DNAH10: variants seen among roughly 807,000 people sequenced by gnomAD.
The protein encoded by DNAH10 is axonemal beta dynein heavy chain 10.
DNAH10 carries 348 observed loss-of-function variants against 506.6 expected under a neutral mutation model. The observed-to-expected ratio is 0.69, with a 90% CI of 0.63 to 0.75. The LOEUF (loss-of-function observed/expected upper bound fraction) is 0.75. DNAH10 is among the 30% of genes least tolerant of loss of function. The pLI, the probability that DNAH10 is intolerant of heterozygous loss-of-function variation, is 0.00. For missense variants in DNAH10, 5,179 were observed against 5,787.1 expected, an observed-to-expected ratio of 0.89 and a Z score of 3.41; for synonymous variants, 2,059 against 2,198.6, an observed-to-expected ratio of 0.94 and a Z score of 1.78.
rs924541858 is a variant in DNAH10, at chr12:123,916,323, T to G, written c.10723-134T>G. 1.3e-5 allele frequency: 15 copies of G among 1,155,348 alleles called. No homozygotes were observed. Among genetic ancestry groups the G allele is most frequent in the Non-Finnish European group, 1.7e-5 (14 of 816,678 alleles). The allele number at this position is 1,155,348 out of a possible 1,614,324, so 71.6% of individuals were successfully genotyped here. A position where few individuals can be genotyped will look rare whatever the true frequency, so the allele number is the denominator to read the frequency against. On this transcript the variant is annotated intron_variant, in intron 62 of 78. Coordinates refer to ENST00000673944, the MANE Select transcript of DNAH10 (RefSeq NM_001372106.1). This position sits in a 1 kb window ranked among gnomAD's most constrained non-coding sequence, Gnocchi z 4.6. ...GTATATGCGTTATACCCCTTGCTTC[T>G]CTCTTCTTTTCACCTCTGGCCCCCT...
rs755715123 is a variant in DNAH10 at position 123,868,026 on chromosome 12, G to A, written c.7426G>A (p.Gly2476Arg). ...TCTGGGAGCCTCCCTGCTTGAGGAT[G>A]GAAGGATGAAATTTGACGAATATAT... The part of the protein sequence containing the change: ...CSLGASLLED[G>R]RMKFDEYIKR... Residue 2476 changes from glycine to arginine, a missense_variant, in exon 43 of 79, where the codon GGA (glycine) becomes AGA (arginine). Transcript: ENST00000673944. The A allele has an allele frequency of 1.4e-5, 23 of 1,613,784 alleles. No homozygotes were observed. The highest frequency in any genetic ancestry group is 2.2e-5 in the East Asian group (1 of 44,884).
rs756903448 is a variant in DNAH10, at chr12:123,929,283, C to T, written c.12315C>T (p.Thr4105=). The T allele has an allele frequency of 3.1e-5, 49 of 1,591,062 alleles. No homozygotes were observed. The highest frequency in any genetic ancestry group is 1.6e-4 in the Middle Eastern group (1 of 6,062). The change falls in exon 71 of 79, where the codon ACC becomes ACT. Residue 4105 remains threonine (T), a synonymous_variant. Transcript: ENST00000673944. The part of the protein sequence containing the change: ...GILQKSLKVV[T]EPPNGLKLNM... The stretch of plus-strand genomic sequence containing the variant: ...TTTCTTCTCTTCTGAAGGTTGTCAC[C>T]GAGCCACCCAATGGGCTGAAACTCA...
chr12:123,880,448 T>C (rs976008485), intron 50 of DNAH10, among the ~76,000 whole-genome samples: 1 of 152,126 alleles, frequency 6.6e-6, no homozygotes, highest in Non-Finnish European at 1.5e-5. Context: ...CAAGTGATCT[T>C]CCTGCCTCAG....
rs71444923 is a variant in DNAH10 at position 123,896,148 on chromosome 12, CAGAGAGAG to C, written c.9280+1465_9280+1472del. Among the ~76,000 whole-genome samples, 498 of 95,156 alleles carry C rather than the reference CAGAGAGAG, an allele frequency of 5.2e-3. 2 individuals are homozygous for C. The highest frequency in any genetic ancestry group is 0.016 in the African/African-American group (302 of 19,246). The allele number at this position is 95,156 out of a possible 152,430, so 62.4% of individuals were successfully genotyped here. A position where few individuals can be genotyped will look rare whatever the true frequency, so the allele number is the denominator to read the frequency against. ...ACACACACACACACACACACACACACAGAGAGAGAGAGAGAGAGAGAGAGAGAGAGAGA... is the reference window on the plus strand; with the variant it reads ...ACACACACACACACACACACACACACAGAGAGAGAGAGAGAGAGAGAGAGA... On this transcript the variant is annotated intron_variant, in intron 54 of 78. Coordinates refer to ENST00000673944, the MANE Select transcript of DNAH10 (RefSeq NM_001372106.1).
rs140889039 is a variant in DNAH10, at chr12:123,875,156, G to T, written c.7939-75G>T. ...AACGGGAAAAATGAGCTTGAGCTGG[G>T]ATGGTCAGCCAACGCCTCTCTGACT... On this transcript the variant is annotated intron_variant, in intron 46 of 78. Coordinates refer to ENST00000673944, the MANE Select transcript of DNAH10 (RefSeq NM_001372106.1). 2.5e-4 allele frequency: 373 copies of T among 1,502,454 alleles called. No individual in the cohort carries two copies. In the African/African-American group the frequency reaches 4.7e-3, roughly 19 times the overall value. 93.1% of individuals were successfully genotyped at this position (1,502,454 alleles called of 1,614,324 possible).
Position 123,882,789 on chromosome 12 carries a change from C to CAA in DNAH10, c.8823+1001_8823+1002dup, listed in dbSNP as rs59295124. On this transcript the variant is annotated intron_variant, in intron 51 of 78. Transcript: ENST00000673944. ...CCTGGGAGACAGAGTAAGACTCTGTCAAAAAAAAAAAAAAAAAAAAAAAAA... is the reference window on the plus strand; with the variant it reads ...CCTGGGAGACAGAGTAAGACTCTGTCAAAAAAAAAAAAAAAAAAAAAAAAAAA... Among the ~76,000 whole-genome samples the CAA allele has an allele frequency of 5.8e-4, 36 of 62,258 alleles. 1 individual carries two copies. The highest frequency in any genetic ancestry group is 1.6e-3 in the African/African-American group (23 of 14,076). 40.8% of individuals were successfully genotyped at this position (62,258 alleles called of 152,430 possible).
At chr12:123,815,151 A>G (rs1222019398) in intron 21 of DNAH10, among the ~76,000 whole-genome samples, 1 of 152,122 alleles carries the variant, frequency 6.6e-6, no homozygotes, top group Non-Finnish European at 1.5e-5. Context: ...TGTAGTATTG[A>G]GTTTTCCTAT....
intron 45 of DNAH10, among the ~76,000 whole-genome samples, chr12:123,872,178 T>C (rs1015418980): frequency 6.6e-6 from 1 of 152,136 alleles, no homozygotes; most frequent in Admixed American, 6.5e-5. Context: ...AAGTGTTTCC[T>C]TTCCTTCCTC....
rs1593956897 is a variant in DNAH10 at position 123,768,158 on chromosome 12, G to A, written c.298+469G>A. Among the ~76,000 whole-genome samples the A allele has an allele frequency of 2.0e-5, 3 of 151,540 alleles. No homozygotes were observed. The Middle Eastern group carries it at 0.01, about 519-fold the overall frequency. The stretch of plus-strand genomic sequence containing the variant: ...CTCCTCCTCCTTTTTTTTTGAGACA[G>A]GGTCTCGCTCTTGTCACCCAAGCTG... On this transcript the variant is annotated intron_variant, in intron 2 of 78. Coordinates refer to ENST00000673944, the MANE Select transcript of DNAH10 (RefSeq NM_001372106.1).
At chr12:123,814,812 T>G (rs1162591294) in intron 21 of DNAH10, among the ~76,000 whole-genome samples, 1 of 152,020 alleles carries the variant, frequency 6.6e-6, no homozygotes, top group East Asian at 1.9e-4. Context: ...AGAGACAGGG[T>G]TTTACTATGT....
chr12:123,852,815 C>G (rs1951227159), intron 35 of DNAH10, among the ~76,000 whole-genome samples: 1 of 152,200 alleles, frequency 6.6e-6, no homozygotes, highest in South Asian at 2.1e-4. Context: ...CTCAGGTGAT[C>G]CACCCACCTT....
chr12:123,820,558 C>G (rs1287975780), intron 23 of DNAH10, 22 bp from the exon 24 acceptor site: 1 of 1,606,778 alleles, frequency 6.2e-7, no homozygotes, highest in East Asian at 2.2e-5. Context: ...TTTATTCACT[C>G]ATCGGTGTAT....
chr12:123,772,945 A>T lies in DNAH10; in HGVS notation c.505+3A>T. 6.2e-7 allele frequency: 1 copy of T among 1,600,592 alleles called. No homozygotes were observed. Among genetic ancestry groups the T allele is most frequent in the African/African-American group, 1.3e-5 (1 of 74,776 alleles). On this transcript the variant is annotated splice_donor_region_variant and intron_variant, in intron 4 of 78. Transcript: ENST00000673944. ...GTTTTTCCTCAGAAATACCAAAGGT[A>T]CATTTCTGGCACGTGTGTGTGTATG...
intron 48 of DNAH10, among the ~76,000 whole-genome samples, chr12:123,878,461 G>A (rs555302059): frequency 4.6e-5 from 7 of 152,300 alleles, no homozygotes; most frequent in African/African-American, 1.7e-4. Flanking sequence ...CATGTATCCT[G>A]CTTTTGAGTG....
rs889114694 is a variant in DNAH10 at position 123,929,645 on chromosome 12, C to A, written c.12517-19C>A. On this transcript the variant is annotated intron_variant, in intron 71 of 78. Coordinates refer to ENST00000673944, the MANE Select transcript of DNAH10 (RefSeq NM_001372106.1). The stretch of plus-strand genomic sequence containing the variant: ...CTTGGTGGGTTTCAGTATAACTGAG[C>A]GTGTTCTCTTCTTTCAAGGTCTGCA... 3 of 1,607,150 alleles carry A rather than the reference C, an allele frequency of 1.9e-6. No homozygotes were observed. The highest frequency in any genetic ancestry group is 2.7e-5 in the African/African-American group (2 of 74,772).
chr12:123,900,469 CA>C (rs1308385585), intron 56 of DNAH10, among the ~76,000 whole-genome samples: 1 of 152,192 alleles, frequency 6.6e-6, no homozygotes, highest in Non-Finnish European at 1.5e-5. Context: ...CCCCGGTGCC[CA>C]GGCCACAGTT....
chr12:123,832,647 T>C (rs1438045384), intron 26 of DNAH10, among the ~76,000 whole-genome samples: 1 of 152,104 alleles, frequency 6.6e-6, no homozygotes, highest in Non-Finnish European at 1.5e-5. Context: ...CCGGCCTCAA[T>C]ATAGATTTTT....
chr12:123,837,821 C>T (rs1005121454), intron 28 of DNAH10, among the ~76,000 whole-genome samples: 58 of 150,506 alleles, frequency 3.9e-4, no homozygotes, highest in African/African-American at 1.3e-3. Flanking sequence ...GTCTCAAACT[C>T]CTGGTCTCAA....
chr12:123,805,149 T>C (rs1268910250), intron 18 of DNAH10, 109 bp downstream of exon 18: 2 of 1,176,794 alleles, frequency 1.7e-6, no homozygotes, highest in African/African-American at 1.5e-5. Context: ...ATCAGTTGGA[T>C]GGTCAGAGGC....
Sources: allele counts gnomAD v4.1 joint callset (sites outside exome capture counted in the v4.1 genomes callset), GRCh38; gene constraint gnomAD v4.1.1; non-coding constraint Gnocchi (gnomAD v3.1); transcripts MANE v1.5; gene names NCBI Gene and HGNC (gene_info 2026-07-23, HGNC 2026-07-21).